CFAP58: variants seen among roughly 807,000 people sequenced by gnomAD.
CFAP58 encodes the protein cilia- and flagella-associated protein 58.
Under a neutral mutation model 119.5 loss-of-function variants are expected in CFAP58, and 88 were observed. That is an observed-to-expected ratio of 0.74 (90% CI 0.62 to 0.88). The LOEUF is 0.88. CFAP58 is among the 40% of genes least tolerant of loss of function. The pLI is 0.00. For missense variants in CFAP58, 990 were observed against 1,021.2 expected (o/e 0.97, Z 0.42); for synonymous variants, 365 against 366.3 (o/e 1.00, Z 0.04).
intron 9 of CFAP58, among the ~76,000 whole-genome samples, chr10:104,391,937 G>A (rs979443872): frequency 2.0e-5 from 3 of 152,054 alleles, no homozygotes; most frequent in Admixed American, 6.5e-5. Flanking sequence ...TAGGGTGGTC[G>A]GGAGAGGTTT....
chr10:104,363,765 G>A (rs1564879094), intron 3 of CFAP58, among the ~76,000 whole-genome samples: 1 of 152,216 alleles, frequency 6.6e-6, no homozygotes, highest in Non-Finnish European at 1.5e-5. Flanking sequence ...TTACATCAAA[G>A]GTGTTGGTAA....
intron 15 of CFAP58, among the ~76,000 whole-genome samples, chr10:104,413,296 C>T (rs2012489864): frequency 6.6e-6 from 1 of 152,120 alleles, no homozygotes; most frequent in Non-Finnish European, 1.5e-5. Context: ...CTTGATGCAA[C>T]CTGTCAGTGT....
intron 1 of CFAP58, among the ~76,000 whole-genome samples, chr10:104,357,551 C>G (rs2014559032): frequency 6.6e-6 from 1 of 152,122 alleles, no homozygotes; most frequent in South Asian, 2.1e-4. Context: ...GAAAAGAGAC[C>G]AGGGTTTGGA....
intron 9 of CFAP58, among the ~76,000 whole-genome samples, chr10:104,390,888 T>A (rs1284748698): frequency 6.6e-6 from 1 of 152,144 alleles, no homozygotes; most frequent in South Asian, 2.1e-4. Context: ...ATTGACCCAA[T>A]AAGAAAGAAT....
At chr10:104,395,685 A>G (rs74154798) in intron 11 of CFAP58, among the ~76,000 whole-genome samples, 1,985 of 152,284 alleles carry the variant, frequency 0.013, 45 homozygotes, top group African/African-American at 0.046. Context: ...CCTGGATTTC[A>G]TGCATCTGAA....
chr10:104,369,659 C>A (rs552183616), intron 6 of CFAP58, among the ~76,000 whole-genome samples: 3 of 152,274 alleles, frequency 2.0e-5, no homozygotes, highest in African/African-American at 7.2e-5. Flanking sequence ...GCCATTAATT[C>A]TTTCCCTTGA....
chr10:104,440,241 T>A (rs2013015806), intron 15 of CFAP58, among the ~76,000 whole-genome samples: 1 of 152,232 alleles, frequency 6.6e-6, no homozygotes, highest in Non-Finnish European at 1.5e-5. Context: ...GTTTAGCTCC[T>A]TTTATCAAAA....
At chr10:104,424,008 A>G (rs1224181915) in intron 15 of CFAP58, among the ~76,000 whole-genome samples, 1 of 152,138 alleles carries the variant, frequency 6.6e-6, no homozygotes, top group East Asian at 1.9e-4. Context: ...AATTTATAGA[A>G]TCGTTTAGAT....
chr10:104,407,362 G>A (rs1317507967), intron 15 of CFAP58, among the ~76,000 whole-genome samples: 2 of 152,144 alleles, frequency 1.3e-5, no homozygotes, highest in African/African-American at 4.8e-5. Context: ...ATATGCTGGT[G>A]GCTTTACCTA....
chr10:104,356,994 G>C (rs1258379238), intron 1 of CFAP58, among the ~76,000 whole-genome samples: 1 of 152,166 alleles, frequency 6.6e-6, no homozygotes, highest in African/African-American at 2.4e-5. Context: ...AGGTGGATTT[G>C]TTTGCTAGAG....
intron 5 of CFAP58, among the ~76,000 whole-genome samples, chr10:104,366,588 T>C (rs1236931052): frequency 2.6e-5 from 4 of 152,226 alleles, no homozygotes; most frequent in African/African-American, 9.6e-5. Context: ...CCCAATATGG[T>C]AACCCTTAGC....
At chr10:104,374,720 A>T (rs1387733169) in intron 7 of CFAP58, among the ~76,000 whole-genome samples, 1 of 151,942 alleles carries the variant, frequency 6.6e-6, no homozygotes, top group Non-Finnish European at 1.5e-5. Flanking sequence ...AATTGCTATT[A>T]ATTTTCTAGA....
At chr10:104,417,166 T>A (rs2012567621) in intron 15 of CFAP58, among the ~76,000 whole-genome samples, 1 of 152,212 alleles carries the variant, frequency 6.6e-6, no homozygotes, top group Non-Finnish European at 1.5e-5. Flanking sequence ...TCTTCATGCT[T>A]CAGAGCAACA....
At position 104,357,998 on chromosome 10, in the gene CFAP58, C is replaced by CATATAT. The variant is rs1235049964; in HGVS notation, c.10-342_10-341insTATATA. 3.8e-5 allele frequency among the ~76,000 whole-genome samples: 5 copies of CATATAT among 132,558 alleles called. No individual in the cohort carries two copies. The East Asian group carries it at 9.1e-4, about 24-fold the overall frequency. The allele number at this position is 132,558 out of a possible 152,430, so 87.0% of individuals were successfully genotyped here. On this transcript the variant is annotated intron_variant, in intron 1 of 17. Transcript: ENST00000369704. The stretch of plus-strand genomic sequence containing the variant: ...ATGTACATATGTACACATATATGTA[C>CATATAT]ACATATATACACATATATGTACATA...
the CFAP58 span, among the ~76,000 whole-genome samples, chr10:104,341,492 A>G: frequency 6.6e-6 from 1 of 151,698 alleles, no homozygotes; most frequent in Non-Finnish European, 1.5e-5. Flanking sequence ...GTAAATTTGA[A>G]AAAGTACAGC....
In CFAP58 at chr10:104,406,737, C is replaced by A. The variant is rs1160056199; in HGVS notation, c.2200C>A (p.Gln734Lys). 1 of 1,614,188 alleles carries A rather than the reference C, an allele frequency of 6.2e-7. No individual in the cohort carries two copies. Among genetic ancestry groups the A allele is most frequent in the Non-Finnish European group, 8.5e-7 (1 of 1,180,034 alleles). Reference sequence around the variant, plus strand: ...GCTGATACAGAAAATTCACACCCTGCAGAAGCGTCTCATCAGCAAGACTGA... The same window carrying A: ...GCTGATACAGAAAATTCACACCCTGAAGAAGCGTCTCATCAGCAAGACTGA... ...YELIQKIHTL[Q>K]KRLISKTEEV... Residue 734 changes from glutamine (Q) to lysine (K), a missense_variant, in exon 15 of 18, where the codon CAG (glutamine) becomes AAG (lysine). Gln to Lys is a moderately conservative substitution (Grantham distance 53). Transcript: ENST00000369704.
rs553194581 is a variant in CFAP58, at chr10:104,449,990, C to T, written c.2377-81C>T. The T allele has an allele frequency of 1.1e-3, 1,514 of 1,376,710 alleles. 1 individual carries two copies. The highest frequency in any genetic ancestry group is 2.1e-3 in the Middle Eastern group (8 of 3,794). 85.3% of individuals were successfully genotyped at this position (1,376,710 alleles called of 1,614,324 possible). ...TTGTTTTGCACCTCTAGCTCCACTG[C>T]GGTAAATGGTAGCAGATTAAAAGAT... is the stretch of plus-strand genomic sequence containing the variant. On this transcript the variant is annotated intron_variant, in intron 16 of 17. Coordinates refer to ENST00000369704, the MANE Select transcript of CFAP58 (RefSeq NM_001008723.2).
intron 9 of CFAP58, among the ~76,000 whole-genome samples, chr10:104,387,910 T>C (rs2011956901): frequency 6.6e-6 from 1 of 152,208 alleles, no homozygotes; most frequent in African/African-American, 2.4e-5. Context: ...CATTTGCCTA[T>C]AACACTGTCA....
At chr10:104,361,492 T>C (rs1329135208) in intron 2 of CFAP58, among the ~76,000 whole-genome samples, 1 of 152,228 alleles carries the variant, frequency 6.6e-6, no homozygotes, top group African/African-American at 2.4e-5. Context: ...AGAGGTTTAA[T>C]TCAGTCTATC....
Sources: gnomAD v4.1 joint callset for allele counts (sites outside exome capture counted in the v4.1 genomes callset) on GRCh38, gnomAD v4.1.1 for gene constraint, MANE v1.5 for transcripts, NCBI Gene and HGNC (gene_info 2026-07-23, HGNC 2026-07-21) for gene names.